The following CDKN2B-AS1 variants were observed in gnomAD, a reference collection of about 807,000 sequenced individuals.
The protein encoded by CDKN2B-AS1 is CDKN2B and CDKN2A antisense cis and trans regulatory RNA 1, also known as CDKN2B antisense RNA 1 (non-protein coding).
intron 4 of CDKN2B-AS1, among the ~76,000 whole-genome samples, chr9:22,079,733 T>C (rs1824631368): frequency 6.6e-6 from 1 of 152,164 alleles, no homozygotes; most frequent in African/African-American, 2.4e-5. Context: ...TACTCTTCTC[T>C]TGATTCCTTC....
chr9:22,107,342 C>G (rs891221763), intron 4 of CDKN2B-AS1, among the ~76,000 whole-genome samples: 9 of 152,172 alleles, frequency 5.9e-5, no homozygotes, highest in South Asian at 2.1e-4. Context: ...ACCCAGGGCT[C>G]TAAGTGGAGA....
chr9:22,009,830 T>C (rs1821410559), intron 1 of CDKN2B-AS1, among the ~76,000 whole-genome samples: 1 of 152,236 alleles, frequency 6.6e-6, no homozygotes, highest in Admixed American at 6.5e-5. Context: ...GATGTGTCTT[T>C]CTGTTTGAAT....
intron 1 of CDKN2B-AS1, among the ~76,000 whole-genome samples, chr9:22,038,485 C>A (rs1321347816): frequency 6.6e-6 from 1 of 152,080 alleles, no homozygotes; most frequent in Middle Eastern, 3.4e-3. Flanking sequence ...TCAGCTGCCT[C>A]TTTTAAAAAT....
chr9:22,081,710 A>G (rs1329144152), intron 4 of CDKN2B-AS1, among the ~76,000 whole-genome samples: 2 of 152,180 alleles, frequency 1.3e-5, no homozygotes, highest in African/African-American at 4.8e-5. Flanking sequence ...TAGTTGTGTA[A>G]TCTTGAAAAA....
At chr9:22,022,678 C>G (rs1159439988) in intron 1 of CDKN2B-AS1, among the ~76,000 whole-genome samples, 2 of 152,046 alleles carry the variant, frequency 1.3e-5, no homozygotes, top group Non-Finnish European at 2.9e-5. Context: ...ATAATGCTAG[C>G]TGGTTGCTTT....
chr9:22,037,149 T>C lies in CDKN2B-AS1; in HGVS notation n.30-9602T>C, dbSNP rs142671167. Among the ~76,000 whole-genome samples, 152 of 152,208 alleles carry C rather than the reference T, an allele frequency of 1.0e-3. 1 individual carries two copies. Among genetic ancestry groups the C allele is most frequent in the African/African-American group, 3.5e-3 (144 of 41,550 alleles). ...TATTATGGGGCCTGGCCTAAAGTGG[T>C]TGTTCAAGAAATGTGTGTTAGAGAA... On this transcript the variant is annotated intron_variant and non_coding_transcript_variant, in intron 1 of 4. Coordinates refer to ENST00000650946, the Ensembl canonical transcript of CDKN2B-AS1.
rs7028026 is a variant in CDKN2B-AS1, at chr9:22,101,436, A to G, written n.439-25667A>G. On this transcript the variant is annotated intron_variant and non_coding_transcript_variant, in intron 4 of 4. Transcript: ENST00000650946. ...ATGGCCACAGAAGTAACAACTTTTA[A>G]TAAATTAAATTATGGATGTTATGTC... 1.8e-3 allele frequency among the ~76,000 whole-genome samples: 281 copies of G among 152,308 alleles called. 2 individuals are homozygous for G. The highest frequency in any genetic ancestry group is 6.5e-3 in the African/African-American group (270 of 41,572).
chr9:22,043,790 A>C (rs2131268621), intron 1 of CDKN2B-AS1, among the ~76,000 whole-genome samples: 1 of 152,116 alleles, frequency 6.6e-6, no homozygotes, highest in Non-Finnish European at 1.5e-5. Context: ...GCTAGTTAAA[A>C]ATTTTTAAAT....
chr9:22,051,172 C>A (rs1823327857), intron 3 of CDKN2B-AS1, among the ~76,000 whole-genome samples: 2 of 152,118 alleles, frequency 1.3e-5, no homozygotes, highest in African/African-American at 4.8e-5. Flanking sequence ...CAGCCTGCTC[C>A]TTTAAGGGGC....
chr9:22,125,063 A>G (rs1391595288), intron 4 of CDKN2B-AS1, among the ~76,000 whole-genome samples: 1 of 152,250 alleles, frequency 6.6e-6, no homozygotes, highest in South Asian at 2.1e-4. Context: ...ACACGTGTGC[A>G]CACACACATA....
intron 4 of CDKN2B-AS1, among the ~76,000 whole-genome samples, chr9:22,064,310 A>G (rs1048519648): frequency 1.2e-4 from 18 of 152,180 alleles, no homozygotes; most frequent in Non-Finnish European, 2.6e-4. Flanking sequence ...CTAAAGTGGC[A>G]TTAAGGAGCC....
At chr9:22,072,391 C>T (rs1824331285) in intron 4 of CDKN2B-AS1, among the ~76,000 whole-genome samples, 1 of 152,146 alleles carries the variant, frequency 6.6e-6, no homozygotes, top group South Asian at 2.1e-4. Context: ...GGAAAATGAC[C>T]CTGGAGCTTT....
At chr9:22,099,157 A>G (rs1282902772) in intron 4 of CDKN2B-AS1, among the ~76,000 whole-genome samples, 1 of 152,138 alleles carries the variant, frequency 6.6e-6, no homozygotes, top group East Asian at 1.9e-4. Context: ...TATTCCAGGG[A>G]GAGGGAACAA....
chr9:22,116,650 C>A (rs1022487216), intron 4 of CDKN2B-AS1, among the ~76,000 whole-genome samples: 2 of 152,064 alleles, frequency 1.3e-5, no homozygotes, highest in Non-Finnish European at 2.9e-5. Flanking sequence ...GAACTTGAGA[C>A]AACTTGGCCC....
chr9:22,073,733 G>T (rs1034974408), intron 4 of CDKN2B-AS1, among the ~76,000 whole-genome samples: 16 of 152,054 alleles, frequency 1.1e-4, no homozygotes, highest in African/African-American at 3.6e-4. Flanking sequence ...GTTTATTTTA[G>T]TTTAGATTTA....
intron 4 of CDKN2B-AS1, among the ~76,000 whole-genome samples, chr9:22,100,257 G>A (rs1351300722): frequency 6.6e-6 from 1 of 152,048 alleles, no homozygotes; most frequent in African/African-American, 2.4e-5. Flanking sequence ...TCCTACAATG[G>A]TTATAGCACA....
At chr9:22,091,559 A>C (rs1047461293) in intron 4 of CDKN2B-AS1, among the ~76,000 whole-genome samples, 3 of 152,068 alleles carry the variant, frequency 2.0e-5, no homozygotes, top group Admixed American at 6.5e-5. Flanking sequence ...TGCAAGTTGG[A>C]TTCCTAGGTA....
At chr9:22,077,320 C>T (rs1360554916) in intron 4 of CDKN2B-AS1, among the ~76,000 whole-genome samples, 1 of 151,856 alleles carries the variant, frequency 6.6e-6, no homozygotes, top group Admixed American at 6.6e-5. Context: ...GCACTTTTTT[C>T]ATGTAAATAT....
At chr9:22,075,509 A>T (rs1325332372) in intron 4 of CDKN2B-AS1, among the ~76,000 whole-genome samples, 1 of 152,214 alleles carries the variant, frequency 6.6e-6, no homozygotes, top group East Asian at 1.9e-4. Context: ...TCCTGTGGAG[A>T]AAAGTAGGAG....
Sources: allele counts gnomAD v4.1 joint callset (sites outside exome capture counted in the v4.1 genomes callset), GRCh38; gene constraint gnomAD v4.1.1; transcripts MANE v1.5; gene names NCBI Gene and HGNC (gene_info 2026-07-23, HGNC 2026-07-21).